Variants in NCAM1 observed in about 807,000 individuals in gnomAD.
NCAM1 encodes neural cell adhesion molecule 1.
A neutral mutation model predicts 109.8 loss-of-function variants in NCAM1; 14 were observed. That is an observed-to-expected ratio of 0.13 (90% CI 0.08 to 0.20). The LOEUF is 0.20. Among genes scored for constraint, NCAM1 ranks in the 10% least tolerant of loss-of-function variants. NCAM1 has a pLI of 1.00. For synonymous variants in NCAM1, 418 were observed against 442.9 expected (o/e 0.94, Z 0.70); for missense variants, 774 against 1,109.9 (o/e 0.70, Z 4.30).
At position 113,009,316 on chromosome 11, in the gene NCAM1, T is replaced by TTTTGTTGTTGTTG. The variant is rs1320684872; in HGVS notation, c.52+47655_52+47656insGTTGTTGTTGTTT. Among the ~76,000 whole-genome samples the TTTTGTTGTTGTTG allele has an allele frequency of 1.9e-4, 19 of 99,238 alleles. 2 individuals are homozygous for TTTTGTTGTTGTTG. Among genetic ancestry groups the TTTTGTTGTTGTTG allele is most frequent in the East Asian group, 1.6e-3 (5 of 3,082 alleles). 65.1% of individuals were successfully genotyped at this position (99,238 alleles called of 152,430 possible). On this transcript the variant is annotated intron_variant, in intron 1 of 19. Coordinates refer to ENST00000316851, the MANE Select transcript of NCAM1 (RefSeq NM_181351.5). ...TAATTGGAAGGGTTTTTTCGGGTTT[T>TTTTGTTGTTGTTG]TTTTTTTTTTTTTTTTTTTTTTTTT...
chr11:113,028,448 G>A (rs1304080445), intron 1 of NCAM1, among the ~76,000 whole-genome samples: 1 of 152,152 alleles, frequency 6.6e-6, no homozygotes, highest in Non-Finnish European at 1.5e-5. Context: ...ATGGAGGGAT[G>A]CACTGTTTAT....
At chr11:113,024,215 G>A (rs1952475295) in intron 1 of NCAM1, among the ~76,000 whole-genome samples, 1 of 152,170 alleles carries the variant, frequency 6.6e-6, no homozygotes, top group Admixed American at 6.5e-5. Flanking sequence ...AGCAGTTTCA[G>A]TATCTCAGGA....
intron 7 of NCAM1, among the ~76,000 whole-genome samples, chr11:113,212,433 T>C (rs1555113755): frequency 1.3e-5 from 2 of 152,148 alleles, no homozygotes; most frequent in African/African-American, 4.8e-5. Context: ...CAAGGCCAAA[T>C]ATTAATAGAT....
intron 1 of NCAM1, among the ~76,000 whole-genome samples, chr11:113,033,362 A>T (rs1037309074): frequency 1.3e-5 from 2 of 152,156 alleles, no homozygotes; most frequent in Non-Finnish European, 2.9e-5. Flanking sequence ...TACAGCAGGA[A>T]ATGTGCAGAT....
At chr11:113,094,326 G>A (rs1555089941) in intron 1 of NCAM1, among the ~76,000 whole-genome samples, 4 of 152,160 alleles carry the variant, frequency 2.6e-5, no homozygotes, top group African/African-American at 9.6e-5. Context: ...TAGACATCAG[G>A]CTGATTTGTC....
At chr11:113,031,713 A>G (rs1194977251) in intron 1 of NCAM1, among the ~76,000 whole-genome samples, 2 of 152,048 alleles carry the variant, frequency 1.3e-5, no homozygotes, top group Admixed American at 6.6e-5. Context: ...AAAAAGAAAA[A>G]GAAAAAAGGA....
At position 112,962,092 on chromosome 11, in the gene NCAM1, C is replaced by G. The variant is rs1437634606; in HGVS notation, c.52+428C>G. ...CGAGGGGGAAGTGGCTTGTCAGCCC[C>G]GGCTCCGGGAAGAGTGAACAATAAG... On this transcript the variant is annotated intron_variant, in intron 1 of 19. Transcript: ENST00000316851. This position sits in a 1 kb window ranked among gnomAD's most constrained non-coding sequence, Gnocchi z 5.6. Among the ~76,000 whole-genome samples the G allele has an allele frequency of 6.6e-6, 1 of 152,164 alleles. No homozygotes were observed. Among genetic ancestry groups the G allele is most frequent in the Non-Finnish European group, 1.5e-5 (1 of 68,022 alleles).
chr11:113,058,153 G>A (rs1555082900), intron 1 of NCAM1, among the ~76,000 whole-genome samples: 1 of 151,976 alleles, frequency 6.6e-6, no homozygotes, highest in African/African-American at 2.4e-5. Context: ...GTGTGGTGAT[G>A]GGTGCCTGTA....
chr11:113,201,392 C>T (rs1944054440), intron 1 of NCAM1, among the ~76,000 whole-genome samples: 1 of 152,182 alleles, frequency 6.6e-6, no homozygotes, highest in South Asian at 2.1e-4. Flanking sequence ...TCAAGCCTGT[C>T]CCTCCTGTTG....
At chr11:113,267,151 CT>C (rs1418190015) in intron 17 of NCAM1, among the ~76,000 whole-genome samples, 4 of 152,206 alleles carry the variant, frequency 2.6e-5, no homozygotes, top group Non-Finnish European at 5.9e-5. Flanking sequence ...CTACTTCTTC[CT>C]TCTGGTTATA....
rs113768886 is a variant in NCAM1, at chr11:113,233,454, G to A, written c.1693+137G>A. The stretch of plus-strand genomic sequence containing the variant: ...AATTAGGTCAAAGTCATATCTGCCT[G>A]TAGAGTTGTTGCCCCTATTGCCACC... On this transcript the variant is annotated intron_variant, in intron 13 of 19. Coordinates refer to ENST00000316851, the MANE Select transcript of NCAM1 (RefSeq NM_181351.5). This position sits in a 1 kb window ranked among gnomAD's most constrained non-coding sequence, Gnocchi z 4.5. 1.8e-3 allele frequency: 1,787 copies of A among 985,700 alleles called. 29 individuals are homozygous for A. In the African/African-American group the frequency reaches 0.028, roughly 16 times the overall value. The allele number at this position is 985,700 out of a possible 1,614,324, so 61.1% of individuals were successfully genotyped here.
intron 1 of NCAM1, among the ~76,000 whole-genome samples, chr11:113,092,282 A>G (rs1284421159): frequency 1.3e-5 from 2 of 152,162 alleles, no homozygotes; most frequent in Non-Finnish European, 2.9e-5. Flanking sequence ...TGAGGTATAG[A>G]GAAAGGATCT....
chr11:113,124,766 C>T (rs929462875), intron 1 of NCAM1, among the ~76,000 whole-genome samples: 15 of 152,184 alleles, frequency 9.9e-5, no homozygotes, highest in African/African-American at 3.6e-4. Flanking sequence ...GCTCTCACTA[C>T]AGCATTCAAG....
chr11:113,204,609 T>A (rs1186669510), intron 3 of NCAM1, 105 bp downstream of exon 3: 5 of 1,108,292 alleles, frequency 4.5e-6, no homozygotes, highest in African/African-American at 3.1e-5. Flanking sequence ...GCTGAGGGCC[T>A]AACCAGTCCC....
chr11:113,086,739 G>A (rs112073741), intron 1 of NCAM1, among the ~76,000 whole-genome samples: 11 of 152,192 alleles, frequency 7.2e-5, no homozygotes, highest in Admixed American at 3.3e-4. Context: ...GGGAAGAAGC[G>A]TGAACAGAGG....
intron 1 of NCAM1, among the ~76,000 whole-genome samples, chr11:112,970,282 TAGC>T (rs1555066543): frequency 6.6e-6 from 1 of 152,176 alleles, no homozygotes; most frequent in African/African-American, 2.4e-5. Flanking sequence ...AGCTGGGAAT[TAGC>T]AGAGAGTTAA....
chr11:112,964,277 CG>C (rs1290251386), intron 1 of NCAM1, among the ~76,000 whole-genome samples: 1 of 151,368 alleles, frequency 6.6e-6, no homozygotes, highest in Non-Finnish European at 1.5e-5. Context: ...CAAGTGAGTC[CG>C]ATGGGCTGCC....
At chr11:113,272,637 G>A (rs892202486) in intron 19 of NCAM1, among the ~76,000 whole-genome samples, 2 of 152,282 alleles carry the variant, frequency 1.3e-5, no homozygotes, top group South Asian at 4.1e-4. Flanking sequence ...GGTCTGCAAG[G>A]ACTTCAGGGA....
rs533801623 is a variant in NCAM1, at chr11:113,270,698, G to A, written c.2339+303G>A. On this transcript the variant is annotated intron_variant, in intron 18 of 19. Transcript: ENST00000316851. ...AAATTGTCAGAACTAAACCTGGGGAGGAGCTGCCATGGGGTAGGGCAGCAT... is the reference window on the plus strand; with the variant it reads ...AAATTGTCAGAACTAAACCTGGGGAAGAGCTGCCATGGGGTAGGGCAGCAT... 1.5e-3 allele frequency among the ~76,000 whole-genome samples: 232 copies of A among 152,294 alleles called. 1 individual carries two copies. The highest frequency in any genetic ancestry group is 4.9e-3 in the African/African-American group (204 of 41,560).
Sources: gnomAD v4.1 joint callset for allele counts (sites outside exome capture counted in the v4.1 genomes callset) on GRCh38, gnomAD v4.1.1 for gene constraint, Gnocchi (gnomAD v3.1) non-coding constraint, MANE v1.5 for transcripts, NCBI Gene and HGNC (gene_info 2026-07-23, HGNC 2026-07-21) for gene names.